PLD1: variants seen among roughly 807,000 people sequenced by gnomAD.
PLD1 encodes the protein choline phosphatase 1.
Under a neutral mutation model 137.1 loss-of-function variants are expected in PLD1, and 112 were observed. The ratio of observed to expected loss-of-function variants is 0.82; its 90% confidence interval spans 0.70 to 0.96. The LOEUF (loss-of-function observed/expected upper bound fraction) is 0.96. Ranked by LOEUF, PLD1 falls within the 40% of genes least tolerant of loss-of-function variation. The probability of loss-of-function intolerance (pLI) is 0.00; values close to 1 mark genes in which losing one functional copy is unlikely to be tolerated. For synonymous variants in PLD1, 431 were observed against 454.7 expected, an observed-to-expected ratio of 0.95 and a Z score of 0.66; for missense variants, 1,321 against 1,342.0, an observed-to-expected ratio of 0.98 and a Z score of 0.24.
intron 23 of PLD1, among the ~76,000 whole-genome samples, chr3:171,636,527 C>T (rs1735145963): frequency 6.6e-6 from 1 of 151,824 alleles, no homozygotes. Flanking sequence ...TCTTTTGATG[C>T]TATTTTAAAT....
At chr3:171,640,467 A>T (rs1735640248) in intron 23 of PLD1, among the ~76,000 whole-genome samples, 1 of 152,160 alleles carries the variant, frequency 6.6e-6, no homozygotes, top group Non-Finnish European at 1.5e-5. Flanking sequence ...CCTATCTGTG[A>T]ATTCCCAACA....
chr3:171,734,840 A>C, intron 5 of PLD1, 25 bp downstream of exon 5: 1 of 1,456,488 alleles, frequency 6.9e-7, no homozygotes, highest in East Asian at 2.3e-5. Flanking sequence ...TAGGTTTAAA[A>C]CCACAGAATA....
chr3:171,748,927 T>C (rs1315697744), intron 1 of PLD1, among the ~76,000 whole-genome samples: 1 of 151,204 alleles, frequency 6.6e-6, no homozygotes, highest in Non-Finnish European at 1.5e-5. Context: ...CATATATTCC[T>C]ACCTGAATCA....
intron 11 of PLD1, among the ~76,000 whole-genome samples, chr3:171,701,998 A>G (rs1716288325): frequency 6.6e-6 from 1 of 152,220 alleles, no homozygotes; most frequent in Non-Finnish European, 1.5e-5. Context: ...ATTAATGATC[A>G]GACTTTCCTT....
intron 1 of PLD1, among the ~76,000 whole-genome samples, chr3:171,771,898 G>C (rs760783042): frequency 1.3e-5 from 2 of 152,232 alleles, no homozygotes; most frequent in Non-Finnish European, 2.9e-5. Flanking sequence ...TTCTGACTTA[G>C]TGTCTATAAA....
At chr3:171,729,332 A>G (rs1304937500) in intron 6 of PLD1, among the ~76,000 whole-genome samples, 1 of 152,206 alleles carries the variant, frequency 6.6e-6, no homozygotes, top group Admixed American at 6.5e-5. Context: ...TTCCAACATG[A>G]TCTACCAATT....
chr3:171,769,428 A>G (rs1465682412), intron 1 of PLD1, among the ~76,000 whole-genome samples: 1 of 152,254 alleles, frequency 6.6e-6, no homozygotes, highest in Non-Finnish European at 1.5e-5. Flanking sequence ...TTAAAATTTA[A>G]TATCATTTAA....
intron 21 of PLD1, among the ~76,000 whole-genome samples, chr3:171,658,442 A>G (rs1737395606): frequency 6.6e-6 from 1 of 152,238 alleles, no homozygotes; most frequent in Non-Finnish European, 1.5e-5. Context: ...ACAATGTGGT[A>G]TATCCACATC....
At chr3:171,654,970 T>G (rs1306711375) in intron 21 of PLD1, among the ~76,000 whole-genome samples, 1 of 152,010 alleles carries the variant, frequency 6.6e-6, no homozygotes, top group African/African-American at 2.4e-5. Flanking sequence ...AGAAATTGCT[T>G]AGGGGAATTG....
chr3:171,727,466 A>G (rs1165805064), intron 6 of PLD1, among the ~76,000 whole-genome samples: 9 of 152,236 alleles, frequency 5.9e-5, no homozygotes, highest in Non-Finnish European at 1.0e-4. Flanking sequence ...AATGTTTAGC[A>G]TATGCAGATT....
intron 24 of PLD1, among the ~76,000 whole-genome samples, chr3:171,618,374 G>A (rs1171754015): frequency 2.0e-4 from 31 of 152,276 alleles, no homozygotes; most frequent in East Asian, 1.9e-4. Context: ...TAAAGTAAAC[G>A]AGGCTGAAAG....
chr3:171,776,826 T>G (rs1472441129), intron 1 of PLD1, among the ~76,000 whole-genome samples: 1 of 152,264 alleles, frequency 6.6e-6, no homozygotes, highest in East Asian at 1.9e-4. Context: ...CATCATTTTG[T>G]AACTTGGCAA....
At chr3:171,677,516 C>A (rs375929077) in intron 17 of PLD1, 50 bp downstream of exon 17, 4 of 1,574,398 alleles carry the variant, frequency 2.5e-6, no homozygotes, top group South Asian at 1.2e-5. Context: ...CTGAGATGTT[C>A]AAAGGTAAAA....
chr3:171,758,022 A>T (rs949884968), intron 1 of PLD1, among the ~76,000 whole-genome samples: 6 of 152,200 alleles, frequency 3.9e-5, no homozygotes, highest in Admixed American at 6.5e-5. Flanking sequence ...TAAACCAATT[A>T]AATCTCCTCT....
chr3:171,764,451 A>C (rs908805193), intron 1 of PLD1, among the ~76,000 whole-genome samples: 3 of 152,146 alleles, frequency 2.0e-5, no homozygotes, highest in Non-Finnish European at 4.4e-5. Flanking sequence ...AGTCTTAGAG[A>C]AGTCATGTAA....
intron 23 of PLD1, among the ~76,000 whole-genome samples, chr3:171,630,014 G>T (rs557981993): frequency 0.011 from 1,626 of 152,208 alleles, 39 homozygotes; most frequent in African/African-American, 0.038. Flanking sequence ...TTGACAAATT[G>T]GATCTAATTA....
intron 6 of PLD1, among the ~76,000 whole-genome samples, chr3:171,731,145 C>T (rs1718909688): frequency 6.6e-6 from 1 of 152,162 alleles, no homozygotes; most frequent in South Asian, 2.1e-4. Flanking sequence ...ATGATTCTAT[C>T]TGCTTATGGA....
At chr3:171,663,714 A>G (rs912222579) in intron 19 of PLD1, among the ~76,000 whole-genome samples, 1 of 152,218 alleles carries the variant, frequency 6.6e-6, no homozygotes, top group Non-Finnish European at 1.5e-5. Flanking sequence ...GTTGGCATAT[A>G]GTAGGTGCTT....
Position 171,709,489 on chromosome 3 carries a change from A to T in PLD1, c.1061+71T>A. On this transcript the variant is annotated intron_variant, in intron 10 of 26. Transcript: ENST00000351298. The stretch of plus-strand genomic sequence containing the variant: ...TTTCACAGTTTTGAAAACTGATTCC[A>T]GGTGAATTTAGGCCAGTGTAATATT... The T allele has an allele frequency of 4.6e-6, 6 of 1,295,330 alleles. No homozygotes were observed. In the East Asian group the frequency reaches 1.2e-4, roughly 25 times the overall value. 80.2% of individuals were successfully genotyped at this position (1,295,330 alleles called of 1,614,324 possible).
Sources: gnomAD v4.1 joint callset for allele counts (sites outside exome capture counted in the v4.1 genomes callset) on GRCh38, gnomAD v4.1.1 for gene constraint, MANE v1.5 for transcripts, NCBI Gene and HGNC (gene_info 2026-07-23, HGNC 2026-07-21) for gene names.